The following FGF14 variants were observed in gnomAD, a reference collection of about 807,000 sequenced individuals.
FGF14 encodes fibroblast growth factor 14.
Under a neutral mutation model 25.5 loss-of-function variants are expected in FGF14, and 5 were observed. The observed-to-expected ratio is 0.20, with a 90% CI of 0.10 to 0.41. The LOEUF (loss-of-function observed/expected upper bound fraction) is 0.41, where lower values mean the gene tolerates loss of function less well. Ranked by LOEUF, FGF14 falls within the 10% of genes least tolerant of loss-of-function variation. The pLI is 1.00. For missense variants in FGF14, 222 were observed against 320.1 expected, an observed-to-expected ratio of 0.69 and a Z score of 2.34; for synonymous variants, 138 against 118.3, an observed-to-expected ratio of 1.17 and a Z score of -1.08.
chr13:102,326,655 G>C (rs1481630717), intron 1 of FGF14, among the ~76,000 whole-genome samples: 1 of 88,536 alleles, frequency 1.1e-5, no homozygotes, highest in Non-Finnish European at 2.2e-5. Context: ...GAGGAGAAGG[G>C]AGGGGAAGGG....
At chr13:102,032,387 C>T (rs971473867) in intron 1 of FGF14, among the ~76,000 whole-genome samples, 4 of 151,952 alleles carry the variant, frequency 2.6e-5, no homozygotes, top group African/African-American at 9.7e-5. Context: ...GCAAAGAGAG[C>T]TGGAGGAATT....
rs1266919529 is a variant in FGF14, at chr13:101,866,270, T to A, written c.408+2455A>T. ...AAAAGTTTTTCATTACATCATAATG[T>A]GTTTATAACTTCTTGTTAGAAAAGG... On this transcript the variant is annotated intron_variant, in intron 3 of 4. Transcript: ENST00000376143. Among the ~76,000 whole-genome samples, 7 of 152,158 alleles carry A rather than the reference T, an allele frequency of 4.6e-5. No homozygotes were observed. The East Asian group carries it at 1.3e-3, about 29-fold the overall frequency.
chr13:101,759,693 C>T (rs1232956403), intron 3 of FGF14, among the ~76,000 whole-genome samples: 1 of 152,124 alleles, frequency 6.6e-6, no homozygotes, highest in Non-Finnish European at 1.5e-5. Context: ...TCAGTTTGCT[C>T]AGCTGTAAAA....
chr13:101,853,528 T>C (rs1444781477), intron 3 of FGF14, among the ~76,000 whole-genome samples: 2 of 152,018 alleles, frequency 1.3e-5, no homozygotes, highest in East Asian at 1.9e-4. Context: ...TCATGGCTCA[T>C]TGTCACCTCC....
At chr13:101,911,573 G>C (rs1333837992) in intron 1 of FGF14, among the ~76,000 whole-genome samples, 1 of 152,090 alleles carries the variant, frequency 6.6e-6, no homozygotes, top group African/African-American at 2.4e-5. Context: ...GCCACAGGAG[G>C]AAAATGCATA....
At chr13:101,795,860 A>G (rs549171895) in intron 3 of FGF14, among the ~76,000 whole-genome samples, 1 of 152,256 alleles carries the variant, frequency 6.6e-6, no homozygotes, top group African/African-American at 2.4e-5. Flanking sequence ...ACATGCAGAA[A>G]TCATTAGACA....
At chr13:102,364,683 C>G in intron 1 of FGF14, among the ~76,000 whole-genome samples, 1 of 152,162 alleles carries the variant, frequency 6.6e-6, no homozygotes, top group East Asian at 1.9e-4. Flanking sequence ...ATGACAAAGT[C>G]TAAGCGAGTT....
intron 3 of FGF14, among the ~76,000 whole-genome samples, chr13:101,773,866 T>C (rs1485947451): frequency 1.4e-5 from 2 of 147,880 alleles, no homozygotes; most frequent in Non-Finnish European, 3.0e-5. Flanking sequence ...CCTCCCATAC[T>C]AGATCATAAG....
chr13:102,025,495 A>G (rs1021704463), intron 1 of FGF14, among the ~76,000 whole-genome samples: 4 of 151,976 alleles, frequency 2.6e-5, no homozygotes, highest in African/African-American at 7.2e-5. Flanking sequence ...TGCAACTTCT[A>G]CCTCCAGGGT....
chr13:102,284,988 A>G (rs2054025175), intron 1 of FGF14, among the ~76,000 whole-genome samples: 1 of 151,616 alleles, frequency 6.6e-6, no homozygotes, highest in Admixed American at 6.6e-5. Flanking sequence ...TATACATTAC[A>G]TTTTTCAAAA....
chr13:102,186,500 C>A (rs1366685823), intron 1 of FGF14, among the ~76,000 whole-genome samples: 1 of 152,036 alleles, frequency 6.6e-6, no homozygotes, highest in East Asian at 1.9e-4. Flanking sequence ...CAATAAAAAT[C>A]TTTAAAGTAG....
chr13:101,900,907 G>T (rs2031461535), intron 1 of FGF14, among the ~76,000 whole-genome samples: 1 of 151,856 alleles, frequency 6.6e-6, no homozygotes, highest in African/African-American at 2.4e-5. Context: ...AGAATTAAAT[G>T]ACCTCCATAT....
intron 1 of FGF14, among the ~76,000 whole-genome samples, chr13:101,903,567 A>T (rs995244345): frequency 1.3e-5 from 2 of 152,140 alleles, no homozygotes; most frequent in African/African-American, 2.4e-5. Context: ...TCTATATTCA[A>T]ATCTGTGAAT....
chr13:102,064,358 A>T (rs1026662134), intron 1 of FGF14, among the ~76,000 whole-genome samples: 1 of 152,130 alleles, frequency 6.6e-6, no homozygotes, highest in African/African-American at 2.4e-5. Context: ...TAGCCTTTAG[A>T]TGGGTTCCTA....
intron 1 of FGF14, among the ~76,000 whole-genome samples, chr13:102,173,875 T>C (rs1390094762): frequency 6.6e-6 from 1 of 152,040 alleles, no homozygotes; most frequent in African/African-American, 2.4e-5. Context: ...TAGTTACACC[T>C]GGAAGAAGAA....
chr13:102,221,817 C>A (rs756536135), intron 1 of FGF14, among the ~76,000 whole-genome samples: 1 of 152,152 alleles, frequency 6.6e-6, no homozygotes, highest in East Asian at 1.9e-4. Flanking sequence ...AATTTCCTAA[C>A]TAGACTACAA....
At chr13:101,974,624 T>C (rs371276826) in intron 1 of FGF14, among the ~76,000 whole-genome samples, 1 of 152,198 alleles carries the variant, frequency 6.6e-6, no homozygotes, top group East Asian at 1.9e-4. Context: ...TCAAATACTA[T>C]AGGAATGATC....
At chr13:101,989,204 C>T (rs2038763649) in intron 1 of FGF14, among the ~76,000 whole-genome samples, 1 of 151,960 alleles carries the variant, frequency 6.6e-6, no homozygotes, top group South Asian at 2.1e-4. Context: ...AACTTACTGT[C>T]CTCTCTGTTT....
chr13:102,363,958 T>C (rs2057638134), intron 1 of FGF14, among the ~76,000 whole-genome samples: 1 of 152,224 alleles, frequency 6.6e-6, no homozygotes, highest in Non-Finnish European at 1.5e-5. Context: ...TTTGTTGCAT[T>C]TGAATATCTT....
Sources: gnomAD v4.1 joint callset for allele counts (sites outside exome capture counted in the v4.1 genomes callset) on GRCh38, gnomAD v4.1.1 for gene constraint, MANE v1.5 for transcripts, NCBI Gene and HGNC (gene_info 2026-07-23, HGNC 2026-07-21) for gene names.